The following DTNA variants were observed in gnomAD, a reference collection of about 807,000 sequenced individuals.
The protein encoded by DTNA is dystrophin-related protein 3.
Under a neutral mutation model 100.7 loss-of-function variants are expected in DTNA, and 43 were observed. The ratio of observed to expected loss-of-function variants is 0.43; its 90% CI spans 0.33 to 0.55. DTNA has a LOEUF of 0.55. Among genes scored for constraint, DTNA ranks in the 20% least tolerant of loss-of-function variants. The pLI is 0.04. For missense variants in DTNA, 798 were observed against 953.9 expected, an observed-to-expected ratio of 0.84 and a Z score of 2.15; for synonymous variants, 349 against 347.9, an observed-to-expected ratio of 1.00 and a Z score of -0.04.
At chr18:34,754,928 C>T (rs1305205288) in intron 1 of DTNA, among the ~76,000 whole-genome samples, 9 of 152,060 alleles carry the variant, frequency 5.9e-5, no homozygotes, top group African/African-American at 2.2e-4. Flanking sequence ...GTTAGCTTGG[C>T]ATAGGGAGAG....
intron 1 of DTNA, among the ~76,000 whole-genome samples, chr18:34,712,916 A>G (rs1056921532): frequency 6.6e-6 from 1 of 152,284 alleles, no homozygotes; most frequent in African/African-American, 2.4e-5. Context: ...CTGCTAAAAA[A>G]TTAATGATAT....
intron 10 of DTNA, among the ~76,000 whole-genome samples, chr18:34,827,923 G>A (rs1279264648): frequency 6.6e-6 from 1 of 152,036 alleles, no homozygotes; most frequent in Non-Finnish European, 1.5e-5. Context: ...AGAATGTGAG[G>A]GTATGTTTCA....
chr18:34,502,799 T>G (rs1277815703), intron 1 of DTNA, among the ~76,000 whole-genome samples: 1 of 152,226 alleles, frequency 6.6e-6, no homozygotes, highest in East Asian at 1.9e-4. Flanking sequence ...TTGGTATATG[T>G]TCCAAGGGCA....
intron 1 of DTNA, among the ~76,000 whole-genome samples, chr18:34,605,966 A>G (rs974068398): frequency 8.5e-5 from 13 of 152,282 alleles, no homozygotes; most frequent in African/African-American, 3.1e-4. Context: ...AATGATTTAA[A>G]TAAACATCTA....
Position 34,888,537 on chromosome 18 carries a change from T to C in DTNA, c.*803T>C, listed in dbSNP as rs1253004658. 4.1e-6 allele frequency: 4 copies of C among 985,510 alleles called. No individual in the cohort carries two copies. Among genetic ancestry groups the C allele is most frequent in the Non-Finnish European group, 4.8e-6 (4 of 829,736 alleles). 61.0% of individuals were successfully genotyped at this position (985,510 alleles called of 1,614,324 possible). A position where few individuals can be genotyped will look rare whatever the true frequency, so the allele number is the denominator to read the frequency against. ...AGAATTTAGTGTAAATATTTTTTTT[T>C]CCAAATAGATATCATATTCAAAAAA... On this transcript the variant is annotated 3_prime_UTR_variant, in exon 23 of 23. Coordinates refer to ENST00000444659, the MANE Select transcript of DTNA (RefSeq NM_001386795.1).
At chr18:34,747,765 C>A (rs2091834559) in intron 1 of DTNA, among the ~76,000 whole-genome samples, 1 of 152,124 alleles carries the variant, frequency 6.6e-6, no homozygotes, top group Admixed American at 6.5e-5. Flanking sequence ...TAGGTTGGTT[C>A]TTTATCTTTG....
At chr18:34,583,748 T>G (rs143374734) in intron 1 of DTNA, among the ~76,000 whole-genome samples, 40 of 152,226 alleles carry the variant, frequency 2.6e-4, no homozygotes, top group Non-Finnish European at 3.8e-4. Context: ...CAAAAAGGAT[T>G]GCTGACGCTA....
At chr18:34,516,271 A>G (rs1049106763) in intron 1 of DTNA, among the ~76,000 whole-genome samples, 2 of 152,116 alleles carry the variant, frequency 1.3e-5, no homozygotes, top group Non-Finnish European at 2.9e-5. Context: ...AAGGGGAGGA[A>G]TGTATGAATA....
intron 1 of DTNA, among the ~76,000 whole-genome samples, chr18:34,628,250 A>AT (rs2057603350): frequency 1.3e-5 from 2 of 152,248 alleles, no homozygotes; most frequent in African/African-American, 4.8e-5. Flanking sequence ...ACCAACGTCT[A>AT]TAACTCATCT....
At chr18:34,512,890 C>G (rs761226655) in intron 1 of DTNA, among the ~76,000 whole-genome samples, 1 of 151,958 alleles carries the variant, frequency 6.6e-6, no homozygotes, top group African/African-American at 2.4e-5. Context: ...TGAAAAGTAA[C>G]CATTGCATTG....
At chr18:34,824,011 A>G (rs1198936228) in intron 9 of DTNA, among the ~76,000 whole-genome samples, 1 of 152,240 alleles carries the variant, frequency 6.6e-6, no homozygotes, top group Non-Finnish European at 1.5e-5. Context: ...AAATTCTTCA[A>G]AGACATATTC....
chr18:34,519,556 A>T (rs1328998908), intron 1 of DTNA, among the ~76,000 whole-genome samples: 9 of 152,162 alleles, frequency 5.9e-5, no homozygotes, highest in Non-Finnish European at 1.5e-5. Context: ...ATGAGATGAC[A>T]AGCCTAAAAT....
At chr18:34,662,411 G>C (rs1478828988) in intron 1 of DTNA, among the ~76,000 whole-genome samples, 1 of 152,074 alleles carries the variant, frequency 6.6e-6, no homozygotes, top group Non-Finnish European at 1.5e-5. Flanking sequence ...GAAGATAAGG[G>C]ACTGGGCGAT....
chr18:34,546,130 G>A (rs1442656554), intron 1 of DTNA, among the ~76,000 whole-genome samples: 1 of 152,138 alleles, frequency 6.6e-6, no homozygotes, highest in Non-Finnish European at 1.5e-5. Flanking sequence ...ATTGGTACAA[G>A]AGCCTAGGAA....
intron 17 of DTNA, chr18:34,867,945 T>C: frequency 1.0e-6 from 1 of 985,468 alleles, no homozygotes; most frequent in Non-Finnish European, 1.2e-6. Context: ...GTCTGGGTAG[T>C]GGCAGAGTTT....
rs1465184828 is a variant in DTNA at position 34,848,273 on chromosome 18, CCTT to C, written c.1347-19_1347-17del. The C allele has an allele frequency of 1.9e-6, 3 of 1,612,950 alleles. No individual in the cohort carries two copies. Among genetic ancestry groups the C allele is most frequent in the African/African-American group, 1.3e-5 (1 of 74,894 alleles). ...ATCTTTCTCAGTTGCCTAACGGTCT[CCTT>C]CTTGCTTTGTTCTTAATAGCATGCT... On this transcript the variant is annotated intron_variant, in intron 13 of 22. Transcript: ENST00000444659.
chr18:34,850,573 A>G (rs2096461409), intron 14 of DTNA, among the ~76,000 whole-genome samples: 1 of 152,250 alleles, frequency 6.6e-6, no homozygotes, highest in South Asian at 2.1e-4. Flanking sequence ...ATTAAAAAGC[A>G]GGACAAGATT....
chr18:34,590,602 A>G (rs1188610308), intron 1 of DTNA, among the ~76,000 whole-genome samples: 6 of 152,228 alleles, frequency 3.9e-5, no homozygotes, highest in Non-Finnish European at 7.3e-5. Context: ...AGCATTTGCC[A>G]TCCACAGAAC....
At chr18:34,733,129 G>A (rs2088707030) in intron 1 of DTNA, among the ~76,000 whole-genome samples, 2 of 152,120 alleles carry the variant, frequency 1.3e-5, no homozygotes, top group Non-Finnish European at 2.9e-5. Context: ...AAAGGCTGGA[G>A]GTCTCCTTGG....
Sources: gnomAD v4.1 joint callset for allele counts (sites outside exome capture counted in the v4.1 genomes callset) on GRCh38, gnomAD v4.1.1 for gene constraint, MANE v1.5 for transcripts, NCBI Gene and HGNC (gene_info 2026-07-23, HGNC 2026-07-21) for gene names.